Variants in PTPRJ observed in about 807,000 individuals in gnomAD.
The protein encoded by PTPRJ is protein tyrosine phosphatase receptor type J, also known as receptor-type tyrosine-protein phosphatase eta.
PTPRJ carries 129 observed loss-of-function variants against 141.3 expected under a neutral mutation model. The observed-to-expected ratio is 0.91, with a 90% CI of 0.79 to 1.06. The LOEUF (loss-of-function observed/expected upper bound fraction) is 1.06. Ranked by LOEUF, PTPRJ falls within the 50% of genes least tolerant of loss-of-function variation. PTPRJ has a pLI of 0.00. For missense variants in PTPRJ, 1,601 were observed against 1,679.7 expected (o/e 0.95, Z 0.82); for synonymous variants, 610 against 640.5 (o/e 0.95, Z 0.72).
At chr11:48,159,217 T>C (rs1375509671) in intron 21 of PTPRJ, among the ~76,000 whole-genome samples, 2 of 151,842 alleles carry the variant, frequency 1.3e-5, no homozygotes, top group African/African-American at 4.8e-5. Context: ...TTCCTGGTTA[T>C]TTCTGTTCAC....
intron 16 of PTPRJ, chr11:48,149,735 G>T: frequency 1.9e-6 from 1 of 538,304 alleles, no homozygotes; most frequent in Non-Finnish European, 3.3e-6. Flanking sequence ...TTAAAAAAAC[G>T]TCAAATAGGT....
Position 47,995,206 on chromosome 11 carries a change from A to G in PTPRJ, c.96+14198A>G, listed in dbSNP as rs562122682. On this transcript the variant is annotated intron_variant, in intron 1 of 24. Transcript: ENST00000418331. Reference sequence around the variant, plus strand: ...TATAATCTGGTGATTGCCTTAAGATAAATTGAATAATAAAAGTAACAATAG... The same window carrying G: ...TATAATCTGGTGATTGCCTTAAGATGAATTGAATAATAAAAGTAACAATAG... Among the ~76,000 whole-genome samples, 6 of 152,358 alleles carry G rather than the reference A, an allele frequency of 3.9e-5. No homozygotes were observed. The East Asian group carries it at 1.2e-3, about 29-fold the overall frequency.
rs574433347 is a variant in PTPRJ, at chr11:48,144,679, T to C, written c.2580T>C (p.Gly860=). Residue 860 remains glycine, a synonymous_variant, in exon 13 of 25, where the codon GGT becomes GGC. Coordinates refer to ENST00000418331, the MANE Select transcript of PTPRJ (RefSeq NM_002843.4). Reference sequence around the variant, plus strand: ...CCTTCTGTGTACCTTTCTTAGCTGGTCACCCTTCTGCAGATGTCCTGAAAT... The same window carrying C: ...CCTTCTGTGTACCTTTCTTAGCTGGCCACCCTTCTGCAGATGTCCTGAAAT... ...YAVILTTGEA[G]HPSADVLKYT... The C allele has an allele frequency of 1.9e-6, 3 of 1,613,194 alleles. No homozygotes were observed. In the African/African-American group the frequency reaches 4.0e-5, roughly 22 times the overall value.
intron 11 of PTPRJ, among the ~76,000 whole-genome samples, chr11:48,140,527 C>A (rs1857207018): frequency 6.6e-6 from 1 of 152,146 alleles, no homozygotes; most frequent in Admixed American, 6.5e-5. Context: ...CCTTCTCTGG[C>A]CAGCTACAGG....
chr11:48,089,391 C>A (rs371183705), intron 1 of PTPRJ, among the ~76,000 whole-genome samples: 2 of 151,960 alleles, frequency 1.3e-5, no homozygotes, highest in African/African-American at 4.8e-5. Flanking sequence ...TGGTGCAGGC[C>A]TGTGATTCCA....
intron 1 of PTPRJ, among the ~76,000 whole-genome samples, chr11:48,023,373 A>G (rs1379025038): frequency 6.6e-6 from 1 of 152,158 alleles, no homozygotes; most frequent in African/African-American, 2.4e-5. Flanking sequence ...ATTCATTTGT[A>G]TGATCACTTA....
intron 10 of PTPRJ, 136 bp from the exon 11 acceptor site, chr11:48,139,350 A>G: frequency 2.2e-6 from 2 of 903,594 alleles, no homozygotes; most frequent in East Asian, 2.7e-5. Context: ...GTGTTGCCCA[A>G]TTTAGGGTCA....
chr11:48,143,735 C>T (rs1857285636), intron 12 of PTPRJ, among the ~76,000 whole-genome samples: 1 of 151,626 alleles, frequency 6.6e-6, no homozygotes, highest in South Asian at 2.1e-4. Flanking sequence ...TGCATAAGGC[C>T]TAGATTTAAA....
chr11:48,090,938 G>C (rs917018481), intron 1 of PTPRJ, among the ~76,000 whole-genome samples: 1 of 152,156 alleles, frequency 6.6e-6, no homozygotes, highest in Non-Finnish European at 1.5e-5. Context: ...CACCCAGCCT[G>C]CCCCACTCCA....
intron 1 of PTPRJ, among the ~76,000 whole-genome samples, chr11:48,042,559 A>C (rs1854294831): frequency 6.6e-6 from 1 of 152,162 alleles, no homozygotes; most frequent in Non-Finnish European, 1.5e-5. Flanking sequence ...TAGCAAATTT[A>C]CTAGAAATTG....
Position 47,982,825 on chromosome 11 carries a change from A to C in PTPRJ, c.96+1817A>C, listed in dbSNP as rs144342769. ...TTTCATTAGCATATTGCCACTCTAC[A>C]CTTGTCCTGTATTTAGATATTTCCT... is the stretch of plus-strand genomic sequence containing the variant. On this transcript the variant is annotated intron_variant, in intron 1 of 24. Transcript: ENST00000418331. Among the ~76,000 whole-genome samples the C allele has an allele frequency of 2.6e-5, 4 of 151,952 alleles. No homozygotes were observed. In the East Asian group the frequency reaches 5.8e-4, roughly 22 times the overall value.
At chr11:48,086,830 C>T (rs982083392) in intron 1 of PTPRJ, among the ~76,000 whole-genome samples, 1 of 152,228 alleles carries the variant, frequency 6.6e-6, no homozygotes, top group Non-Finnish European at 1.5e-5. Context: ...TGTGTATTTC[C>T]CCACTTTGAG....
At chr11:48,093,855 T>G (rs973538487) in intron 1 of PTPRJ, among the ~76,000 whole-genome samples, 4 of 151,936 alleles carry the variant, frequency 2.6e-5, no homozygotes, top group Admixed American at 2.6e-4. Flanking sequence ...TAATGGCTCC[T>G]GCGGCTCTGA....
intron 1 of PTPRJ, among the ~76,000 whole-genome samples, chr11:48,053,444 ATT>A (rs1159391818): frequency 1.8e-5 from 2 of 114,230 alleles, no homozygotes; most frequent in Admixed American, 1.3e-4. Context: ...TATATTATAT[ATT>A]ATATACTATA....
At chr11:47,995,185 ATCTGGTG>A (rs1226384010) in intron 1 of PTPRJ, among the ~76,000 whole-genome samples, 12 of 152,320 alleles carry the variant, frequency 7.9e-5, no homozygotes, top group Middle Eastern at 3.4e-3. Flanking sequence ...TGAACATATA[ATCTGGTG>A]ATTGCCTTAA....
At chr11:48,055,736 A>AG (rs1246641462) in intron 1 of PTPRJ, among the ~76,000 whole-genome samples, 1 of 152,182 alleles carries the variant, frequency 6.6e-6, no homozygotes, top group Non-Finnish European at 1.5e-5. Flanking sequence ...AGTTGGGTCC[A>AG]GAAAAGGCCA....
intron 2 of PTPRJ, among the ~76,000 whole-genome samples, chr11:48,111,106 A>G (rs182423527): frequency 1.3e-5 from 2 of 151,928 alleles, no homozygotes; most frequent in Non-Finnish European, 2.9e-5. Context: ...GTGAAACACC[A>G]TCTGTACTAA....
intron 1 of PTPRJ, among the ~76,000 whole-genome samples, chr11:48,027,777 T>C (rs2930194): frequency 0.073 from 8,204 of 112,166 alleles, 867 homozygotes; most frequent in African/African-American, 0.27. Context: ...GGCAACAGAG[T>C]GAGACTCTGT....
At chr11:48,004,581 A>G (rs1230369973) in intron 1 of PTPRJ, among the ~76,000 whole-genome samples, 4 of 152,136 alleles carry the variant, frequency 2.6e-5, no homozygotes, top group African/African-American at 9.7e-5. Context: ...CCTCAAAGGA[A>G]CAGCCAGGAC....
Sources: allele counts gnomAD v4.1 joint callset (sites outside exome capture counted in the v4.1 genomes callset), GRCh38; gene constraint gnomAD v4.1.1; transcripts MANE v1.5; gene names NCBI Gene and HGNC (gene_info 2026-07-23, HGNC 2026-07-21).